The following FGD6 variants were observed in gnomAD, a reference collection of about 807,000 sequenced individuals.
FGD6 encodes the protein FYVE, RhoGEF and PH domain containing 6.
FGD6 carries 90 observed loss-of-function variants against 149.4 expected under a neutral mutation model. That is an observed-to-expected ratio of 0.60 (90% CI 0.51 to 0.72). The LOEUF (loss-of-function observed/expected upper bound fraction) is 0.72. Among genes scored for constraint, FGD6 ranks in the 30% least tolerant of loss-of-function variants. The pLI is 0.00. For missense variants in FGD6, 1,437 were observed against 1,684.8 expected (o/e 0.85, Z 2.57); for synonymous variants, 527 against 584.0 (o/e 0.90, Z 1.41).
At chr12:95,161,165 T>C (rs1167837495) in intron 3 of FGD6, among the ~76,000 whole-genome samples, 2 of 151,070 alleles carry the variant, frequency 1.3e-5, no homozygotes, top group Non-Finnish European at 3.0e-5. Flanking sequence ...GGATGACACA[T>C]TGAAACTTCA....
chr12:95,126,489 G>T (rs553909223), intron 8 of FGD6: 1 of 583,708 alleles, frequency 1.7e-6, no homozygotes, highest in South Asian at 2.7e-5. Flanking sequence ...AGTACCGTGG[G>T]AGGCTGAGGC....
At chr12:95,185,617 T>A (rs1311649185) in intron 2 of FGD6, among the ~76,000 whole-genome samples, 1 of 152,068 alleles carries the variant, frequency 6.6e-6, no homozygotes, top group Admixed American at 6.5e-5. Flanking sequence ...AATCCCAGCA[T>A]TTTGGGAGGC....
At chr12:95,172,451 G>T in intron 3 of FGD6, 149 bp downstream of exon 3, 1 of 644,840 alleles carries the variant, frequency 1.6e-6, no homozygotes, top group Non-Finnish European at 2.5e-6. Context: ...TATTTTAGGT[G>T]CCACATTATA....
chr12:95,189,075 A>C (rs1232201936), intron 2 of FGD6: 2 of 152,220 alleles, frequency 1.3e-5, no homozygotes, highest in Non-Finnish European at 2.9e-5. Context: ...TGAACAAAGA[A>C]TATTTTCACC....
At chr12:95,172,046 G>GGGGA (rs562514503) in intron 3 of FGD6, among the ~76,000 whole-genome samples, 1 of 136,320 alleles carries the variant, frequency 7.3e-6, no homozygotes, top group Non-Finnish European at 1.6e-5. Context: ...GGGGGGGGGG[G>GGGGA]TTGTTATCAA....
In FGD6 at chr12:95,172,656, C is replaced by G. The variant is rs752627122; in HGVS notation, c.2530G>C (p.Asp844His). ...EEEIINSSDE[D>H]DVSSESSKGE... ...TTACTTGACTCAGAGCTGACATCAT[C>G]TTCATCAGAACTGTTGATGATTTCC... The change falls in exon 3 of 21, where the codon GAT (aspartate) becomes CAT (histidine). Residue 844 changes from aspartate to histidine, a missense_variant. Asp to His is a moderately conservative substitution (Grantham distance 81). This residue lies in a region of FGD6 where 1,055 missense variants were observed against 1,146.0 expected (regional missense o/e 0.92). Coordinates refer to ENST00000343958, the MANE Select transcript of FGD6 (RefSeq NM_018351.4). 80 of 1,613,450 alleles carry G rather than the reference C, an allele frequency of 5.0e-5. 1 individual carries two copies. In the South Asian group the frequency reaches 8.7e-4, roughly 18 times the overall value.
intron 3 of FGD6, among the ~76,000 whole-genome samples, chr12:95,161,559 T>C (rs1272891918): frequency 6.6e-6 from 1 of 152,176 alleles, no homozygotes; most frequent in Non-Finnish European, 1.5e-5. Context: ...GGATCTATGC[T>C]CCAGGCTTGT....
intron 1 of FGD6, 107 bp downstream of exon 1, chr12:95,217,118 A>T: frequency 1.3e-6 from 2 of 1,529,984 alleles, no homozygotes; most frequent in Non-Finnish European, 1.8e-6. Context: ...CGGCAAAGGT[A>T]CGGGGCACAC....
At chr12:95,214,858 TTTC>T (rs1280916658) in intron 1 of FGD6, among the ~76,000 whole-genome samples, 3 of 150,506 alleles carry the variant, frequency 2.0e-5, no homozygotes, top group Non-Finnish European at 4.4e-5. Flanking sequence ...TCTCTCCTTT[TTTC>T]TTTTTTTTTT....
In FGD6 at chr12:95,085,912, G is replaced by A. The variant is rs776375882; in HGVS notation, c.3979-4C>T. 3 of 1,595,142 alleles carry A rather than the reference G, an allele frequency of 1.9e-6. No homozygotes were observed. Among genetic ancestry groups the A allele is most frequent in the Non-Finnish European group, 2.6e-6 (3 of 1,175,116 alleles). On this transcript the variant is annotated splice_region_variant and splice_polypyrimidine_tract_variant and intron_variant, in intron 18 of 20. Coordinates refer to ENST00000343958, the MANE Select transcript of FGD6 (RefSeq NM_018351.4). ...AATCCTCTGTGTTTGCTGATACCTA[G>A]ATAAGAAACCCCATACAAAGTTTAA... is the stretch of plus-strand genomic sequence containing the variant.
chr12:95,211,921 T>C (rs1424378678), intron 1 of FGD6, among the ~76,000 whole-genome samples: 1 of 152,228 alleles, frequency 6.6e-6, no homozygotes, highest in Non-Finnish European at 1.5e-5. Context: ...ATTTGCCAAG[T>C]GCTGAAAGTT....
intron 5 of FGD6, among the ~76,000 whole-genome samples, chr12:95,143,661 G>C (rs1451436792): frequency 6.6e-6 from 1 of 152,150 alleles, no homozygotes. Context: ...CCAACAGCTT[G>C]CTTCAATCAG....
intron 7 of FGD6, among the ~76,000 whole-genome samples, chr12:95,136,359 A>G (rs1879666571): frequency 6.6e-6 from 1 of 152,192 alleles, no homozygotes; most frequent in African/African-American, 2.4e-5. Context: ...CTCCATCTCA[A>G]AAAACAAAAC....
In FGD6 at chr12:95,204,995, T is replaced by C. The variant is rs946219092; in HGVS notation, c.2441+3848A>G. Among the ~76,000 whole-genome samples, 6 of 152,340 alleles carry C rather than the reference T, an allele frequency of 3.9e-5. No individual in the cohort carries two copies. In the East Asian group the frequency reaches 7.7e-4, roughly 20 times the overall value. On this transcript the variant is annotated intron_variant, in intron 2 of 20. Coordinates refer to ENST00000343958, the MANE Select transcript of FGD6 (RefSeq NM_018351.4). Reference sequence around the variant, plus strand: ...TAAATTTGTAAATGTAGGCTAGGCATGGTGGCTGACGCCTATAATTCCAGC... The same window carrying C: ...TAAATTTGTAAATGTAGGCTAGGCACGGTGGCTGACGCCTATAATTCCAGC...
rs1881019762 is a variant in FGD6, at chr12:95,172,409, C to T, written c.2586+191G>A. Reference sequence around the variant, plus strand: ...AATTTCTCAAAAATCACTAAGTAATCTCTAAGTGATACATACTTGGTAACA... The same window carrying T: ...AATTTCTCAAAAATCACTAAGTAATTTCTAAGTGATACATACTTGGTAACA... On this transcript the variant is annotated intron_variant, in intron 3 of 20. Transcript: ENST00000343958. Among the ~76,000 whole-genome samples, 4 of 152,262 alleles carry T rather than the reference C, an allele frequency of 2.6e-5. No homozygotes were observed. The South Asian group carries it at 6.2e-4, about 24-fold the overall frequency.
chr12:95,216,025 GT>G (rs2056763701), intron 1 of FGD6, among the ~76,000 whole-genome samples: 1 of 152,190 alleles, frequency 6.6e-6, no homozygotes, highest in Admixed American at 6.5e-5. Context: ...AGAAAAGAGA[GT>G]TTATAAAGAT....
At chr12:95,216,444 G>A (rs7310833) in intron 1 of FGD6, among the ~76,000 whole-genome samples, 73,472 of 151,882 alleles carry the variant, frequency 0.48, 18,100 homozygotes, top group African/African-American at 0.57. Flanking sequence ...ATGTACTTAC[G>A]AAGTGAACGT....
At chr12:95,159,212 T>C (rs1292114129) in intron 3 of FGD6, among the ~76,000 whole-genome samples, 5 of 152,202 alleles carry the variant, frequency 3.3e-5, no homozygotes, top group Admixed American at 2.0e-4. Context: ...CTTTTTTTTC[T>C]CTCCTTCTCA....
In FGD6 at chr12:95,210,435, T is replaced by C. The variant is rs1384564739; in HGVS notation, c.849A>G (p.Leu283=). The C allele has an allele frequency of 1.9e-6, 3 of 1,614,138 alleles. No individual in the cohort carries two copies. In the South Asian group the frequency reaches 3.3e-5, roughly 18 times the overall value. The change falls in exon 2 of 21, where the codon TTA becomes TTG. Residue 283 remains leucine, a synonymous_variant. Transcript: ENST00000343958. ...TCTTACTAACTCCATCTGAAGATAT[T>C]AAAGTACTCCTTTTCCCATTTTCCA... The part of the protein sequence containing the change: ...EALENGKRST[L]ISSDGVSKKS...
Sources: allele counts gnomAD v4.1 joint callset (sites outside exome capture counted in the v4.1 genomes callset), GRCh38; gene constraint gnomAD v4.1.1; regional missense constraint gnomAD v4.1.1; transcripts MANE v1.5; gene names NCBI Gene and HGNC (gene_info 2026-07-23, HGNC 2026-07-21).